The following KCNT2 variants were observed in gnomAD, a reference collection of about 807,000 sequenced individuals.
The protein encoded by KCNT2 is potassium channel subfamily T member 2.
A neutral mutation model predicts 153.8 loss-of-function variants in KCNT2; 67 were observed. The ratio of observed to expected loss-of-function variants is 0.44; its 90% CI spans 0.36 to 0.53. The LOEUF (loss-of-function observed/expected upper bound fraction) is 0.53. Among genes scored for constraint, KCNT2 ranks in the 20% least tolerant of loss-of-function variants. KCNT2 has a pLI of 0.00. For synonymous variants in KCNT2, 500 were observed against 458.8 expected (o/e 1.09, Z -1.15); for missense variants, 975 against 1,354.8 (o/e 0.72, Z 4.40).
intron 4 of KCNT2, among the ~76,000 whole-genome samples, chr1:196,479,473 C>A (rs578052544): frequency 1.3e-5 from 2 of 148,816 alleles, no homozygotes; most frequent in East Asian, 4.0e-4. Context: ...CCTTAGTAAA[C>A]CATTTTTAGT....
In KCNT2 at chr1:196,326,772, C is replaced by T; in HGVS notation, c.2221G>A (p.Ala741Thr). 6.3e-7 allele frequency: 1 copy of T among 1,579,052 alleles called. No homozygotes were observed. Among genetic ancestry groups the T allele is most frequent in the Non-Finnish European group, 8.6e-7 (1 of 1,165,376 alleles). Residue 741 changes from alanine (A) to threonine (T), a missense_variant, in exon 19 of 28, where the codon GCA (alanine) becomes ACA (threonine). By Grantham distance (58) the Ala-to-Thr change is moderately conservative (BLOSUM62 0). Transcript: ENST00000294725. ...AGTTCTTTCTTTGGTCTATAATATG[C>T]CCTGAGAGGAACAATAAAGTTATAT... is the stretch of plus-strand genomic sequence containing the variant. ...GLYNFIVPLR[A>T]YYRPKKELNP... is the part of the protein sequence containing the mutation.
chr1:196,373,056 C>A, intron 14 of KCNT2, 84 bp downstream of exon 14: 1 of 692,932 alleles, frequency 1.4e-6, no homozygotes, highest in Non-Finnish European at 2.6e-6. Context: ...TATACGTAGG[C>A]CTTCTATATT....
chr1:196,256,186 G>A (rs1376018956), intron 26 of KCNT2, among the ~76,000 whole-genome samples: 1 of 151,776 alleles, frequency 6.6e-6, no homozygotes, highest in Non-Finnish European at 1.5e-5. Context: ...AATTTCTATA[G>A]TCAAGCATCA....
intron 10 of KCNT2, among the ~76,000 whole-genome samples, chr1:196,426,299 T>A (rs983579283): frequency 9.2e-5 from 14 of 152,016 alleles, no homozygotes; most frequent in Non-Finnish European, 1.9e-4. Flanking sequence ...AGGTTTTAGT[T>A]TTATCTACAG....
intron 1 of KCNT2, among the ~76,000 whole-genome samples, chr1:196,551,573 A>T (rs192617267): frequency 6.6e-6 from 1 of 151,732 alleles, no homozygotes; most frequent in African/African-American, 2.4e-5. Context: ...ACTTTCTTCT[A>T]TTCCTTAGAG....
intron 25 of KCNT2, among the ~76,000 whole-genome samples, chr1:196,267,041 C>G (rs949200957): frequency 6.6e-6 from 1 of 152,182 alleles, no homozygotes; most frequent in Non-Finnish European, 1.5e-5. Context: ...TATAGCTTTT[C>G]TTTATCTTCA....
At chr1:196,417,546 T>A (rs913044232) in intron 12 of KCNT2, among the ~76,000 whole-genome samples, 3 of 152,104 alleles carry the variant, frequency 2.0e-5, no homozygotes, top group Admixed American at 6.6e-5. Context: ...TATTTCTAAC[T>A]ATGATTTTAT....
At position 196,410,710 on chromosome 1, in the gene KCNT2, TAA is replaced by T. The variant is rs71154741; in HGVS notation, c.1186-12041_1186-12040del. 5.6e-3 allele frequency among the ~76,000 whole-genome samples: 808 copies of T among 145,352 alleles called. 8 individuals are homozygous for T. The highest frequency in any genetic ancestry group is 0.016 in the African/African-American group (655 of 39,860). The stretch of plus-strand genomic sequence containing the variant: ...CGCAATAAAATCTGTGCTCAGTGCT[TAA>T]AAAAAAAAAAAAACTTGTCTATTTC... On this transcript the variant is annotated intron_variant, in intron 12 of 27. Transcript: ENST00000294725.
intron 1 of KCNT2, among the ~76,000 whole-genome samples, chr1:196,524,378 G>A (rs1214741766): frequency 6.6e-6 from 1 of 152,032 alleles, no homozygotes; most frequent in Non-Finnish European, 1.5e-5. Context: ...GGGAAAAAAA[G>A]TGGTTTTCCA....
intron 20 of KCNT2, chr1:196,317,313 G>C: frequency 2.2e-6 from 1 of 450,200 alleles, no homozygotes; most frequent in Non-Finnish European, 4.5e-6. Flanking sequence ...CCTATGATAA[G>C]AGGGGCCAGG....
At chr1:196,485,615 T>C (rs1198379066) in intron 3 of KCNT2, among the ~76,000 whole-genome samples, 1 of 151,870 alleles carries the variant, frequency 6.6e-6, no homozygotes, top group African/African-American at 2.4e-5. Flanking sequence ...GACTATGTCT[T>C]GTGAAATAGG....
chr1:196,323,338 T>C (rs556049595), intron 19 of KCNT2, among the ~76,000 whole-genome samples: 4 of 152,068 alleles, frequency 2.6e-5, no homozygotes, highest in Admixed American at 2.0e-4. Flanking sequence ...CATCCTTATG[T>C]AGCTTTGGAT....
At chr1:196,262,650 A>C (rs1009143241) in intron 25 of KCNT2, among the ~76,000 whole-genome samples, 2 of 151,998 alleles carry the variant, frequency 1.3e-5, no homozygotes, top group African/African-American at 4.8e-5. Context: ...AATCTAAAGA[A>C]AGATGTTTCA....
At chr1:196,271,265 T>A (rs1658039624) in intron 25 of KCNT2, among the ~76,000 whole-genome samples, 1 of 152,056 alleles carries the variant, frequency 6.6e-6, no homozygotes, top group South Asian at 2.1e-4. Context: ...TGCTTACAGA[T>A]CATGACTTCC....
At chr1:196,332,705 C>T (rs938675623) in intron 17 of KCNT2, among the ~76,000 whole-genome samples, 1 of 151,798 alleles carries the variant, frequency 6.6e-6, no homozygotes, top group Non-Finnish European at 1.5e-5. Flanking sequence ...AACACTTTTT[C>T]TCCATTATCT....
At chr1:196,538,904 G>A (rs1273569841) in intron 1 of KCNT2, among the ~76,000 whole-genome samples, 1 of 152,188 alleles carries the variant, frequency 6.6e-6, no homozygotes, top group Non-Finnish European at 1.5e-5. Context: ...TTTGAAATGT[G>A]CTAAGAAGAT....
intron 13 of KCNT2, among the ~76,000 whole-genome samples, chr1:196,397,437 G>C (rs1671037692): frequency 6.6e-6 from 1 of 151,412 alleles, no homozygotes; most frequent in Non-Finnish European, 1.5e-5. Flanking sequence ...TTCTACAAAA[G>C]AGGCACTGTT....
intron 13 of KCNT2, among the ~76,000 whole-genome samples, chr1:196,374,536 C>T (rs949920878): frequency 4.6e-5 from 7 of 151,706 alleles, no homozygotes; most frequent in African/African-American, 1.4e-4. Flanking sequence ...TCTCTCTCCC[C>T]ACACCCACTT....
At chr1:196,504,976 G>A (rs1230870305) in intron 1 of KCNT2, among the ~76,000 whole-genome samples, 1 of 152,052 alleles carries the variant, frequency 6.6e-6, no homozygotes, top group Non-Finnish European at 1.5e-5. Context: ...TGTAGATTCT[G>A]GATATTAGCC....
Sources: allele counts gnomAD v4.1 joint callset (sites outside exome capture counted in the v4.1 genomes callset), GRCh38; gene constraint gnomAD v4.1.1; transcripts MANE v1.5; gene names NCBI Gene and HGNC (gene_info 2026-07-23, HGNC 2026-07-21).